Variants in TMTC2 observed in about 807,000 individuals in gnomAD.
TMTC2 encodes protein O-mannosyl-transferase TMTC2.
In TMTC2, 43 loss-of-function variants were observed where a neutral mutation model predicts 82.4. The observed-to-expected ratio is 0.52, with a 90% CI of 0.41 to 0.67. The LOEUF (loss-of-function observed/expected upper bound fraction) is 0.67, where lower values mean the gene tolerates loss of function less well. Ranked by LOEUF, TMTC2 falls within the 30% of genes least tolerant of loss-of-function variation. The pLI is 0.00. For synonymous variants in TMTC2, 408 were observed against 381.9 expected (o/e 1.07, Z -0.80); for missense variants, 919 against 1,012.4 (o/e 0.91, Z 1.25).
chr12:82,692,992 C>G (rs746264356), intron 1 of TMTC2, among the ~76,000 whole-genome samples: 5 of 152,150 alleles, frequency 3.3e-5, no homozygotes, highest in African/African-American at 7.2e-5. Context: ...CAATAATTCA[C>G]AAATTATGAA....
chr12:82,786,527 T>C (rs891666616), intron 1 of TMTC2, among the ~76,000 whole-genome samples: 1 of 152,162 alleles, frequency 6.6e-6, no homozygotes, highest in African/African-American at 2.4e-5. Context: ...CCGGCTGGTA[T>C]TTTTTGATAG....
chr12:82,920,705 G>T (rs1380273778), intron 3 of TMTC2, among the ~76,000 whole-genome samples: 1 of 151,882 alleles, frequency 6.6e-6, no homozygotes, highest in African/African-American at 2.4e-5. Context: ...ATTTTCTAGA[G>T]CTTATCCAGT....
chr12:82,775,497 C>G (rs1474519773), intron 1 of TMTC2, among the ~76,000 whole-genome samples: 1 of 151,836 alleles, frequency 6.6e-6, no homozygotes, highest in Non-Finnish European at 1.5e-5. Flanking sequence ...TTTCCATACT[C>G]AGGAATCAGG....
At chr12:82,912,215 T>A (rs528994351) in intron 3 of TMTC2, among the ~76,000 whole-genome samples, 3 of 152,306 alleles carry the variant, frequency 2.0e-5, no homozygotes, top group Non-Finnish European at 2.9e-5. Context: ...AAGAAGGAAC[T>A]GGGTTAGAAA....
chr12:82,923,266 C>T (rs1159157025), intron 3 of TMTC2, among the ~76,000 whole-genome samples: 1 of 152,098 alleles, frequency 6.6e-6, no homozygotes, highest in African/African-American at 2.4e-5. Flanking sequence ...AGTTTAAATG[C>T]TTGGTATTTA....
intron 3 of TMTC2, among the ~76,000 whole-genome samples, chr12:82,929,086 T>C (rs1169497421): frequency 6.6e-6 from 1 of 152,108 alleles, no homozygotes; most frequent in Non-Finnish European, 1.5e-5. Context: ...TTTTGTTTTA[T>C]TTTTTTGAGA....
At chr12:82,838,581 AT>A (rs1592563420) in intron 1 of TMTC2, among the ~76,000 whole-genome samples, 1 of 152,140 alleles carries the variant, frequency 6.6e-6, no homozygotes, top group Non-Finnish European at 1.5e-5. Flanking sequence ...GGTGTAGTTA[AT>A]TTCTAAAACA....
chr12:82,896,260 A>C lies in TMTC2; in HGVS notation c.1097A>C (p.Lys366Thr), dbSNP rs766528978. Residue 366 changes from lysine to threonine, a missense_variant, in exon 3 of 12, where the codon AAG becomes ACG. Lys to Thr is a moderately conservative substitution (Grantham distance 78, BLOSUM62 -1). Transcript: ENST00000321196. ...SDVEYQNSET[K>T]SSFASKVENG... ...GTGGAGTACCAGAACTCAGAGACTA[A>C]GTCCAGCTTTGCATCCAAAGTAGAA... 1.2e-6 allele frequency: 2 copies of C among 1,614,158 alleles called. No individual in the cohort carries two copies. The highest frequency in any genetic ancestry group is 2.2e-5 in the South Asian group (2 of 91,080).
chr12:83,006,095 T>C (rs1257278824), intron 8 of TMTC2, among the ~76,000 whole-genome samples: 1 of 152,136 alleles, frequency 6.6e-6, no homozygotes, highest in Non-Finnish European at 1.5e-5. Context: ...GCAGCCAGGA[T>C]CCCAGAAGTC....
intron 1 of TMTC2, among the ~76,000 whole-genome samples, chr12:82,764,450 T>G (rs1255580075): frequency 6.6e-6 from 1 of 152,154 alleles, no homozygotes; most frequent in Non-Finnish European, 1.5e-5. Context: ...TACACTTTTT[T>G]TTAATGGAGG....
chr12:83,131,397 TA>T lies in TMTC2; in HGVS notation c.2332-807del, dbSNP rs1185638327. The stretch of plus-strand genomic sequence containing the variant: ...CTGGTGCAACATAACTCATGCCATG[TA>T]AAAAACACTTTTAACCTTTTTTCCA... On this transcript the variant is annotated intron_variant, in intron 11 of 11. Transcript: ENST00000321196. Among the ~76,000 whole-genome samples, 15 of 151,702 alleles carry T rather than the reference TA, an allele frequency of 9.9e-5. 2 individuals are homozygous for T. The highest frequency in any genetic ancestry group is 9.2e-4 in the Admixed American group (14 of 15,288).
intron 1 of TMTC2, among the ~76,000 whole-genome samples, chr12:82,826,587 T>C (rs2137070737): frequency 6.6e-6 from 1 of 152,350 alleles, no homozygotes; most frequent in South Asian, 2.1e-4. Flanking sequence ...GAGCCTCAAT[T>C]ATGTTCATAA....
At chr12:83,016,482 T>A (rs1339640179) in intron 8 of TMTC2, among the ~76,000 whole-genome samples, 18 of 152,220 alleles carry the variant, frequency 1.2e-4, no homozygotes, top group Admixed American at 1.2e-3. Context: ...AGAGTTCTTT[T>A]AAGTATAATC....
intron 1 of TMTC2, among the ~76,000 whole-genome samples, chr12:82,815,456 G>A (rs1200373920): frequency 4.0e-5 from 6 of 151,510 alleles, no homozygotes; most frequent in African/African-American, 7.3e-5. Context: ...GACTACAGGC[G>A]CCCGCCACCA....
chr12:82,832,596 C>T (rs919127521), intron 1 of TMTC2, among the ~76,000 whole-genome samples: 1 of 151,994 alleles, frequency 6.6e-6, no homozygotes, highest in African/African-American at 2.4e-5. Flanking sequence ...AATTTCTTTG[C>T]AAAGCAGTGG....
chr12:82,991,118 A>G (rs562730586), intron 8 of TMTC2, among the ~76,000 whole-genome samples: 35 of 152,314 alleles, frequency 2.3e-4, no homozygotes, highest in East Asian at 7.7e-4. Context: ...CTGAGCTTCA[A>G]AGGTTTGAGG....
chr12:82,986,146 AT>A, intron 8 of TMTC2, 100 bp downstream of exon 8: 1 of 1,512,586 alleles, frequency 6.6e-7, no homozygotes, highest in Non-Finnish European at 9.1e-7. Flanking sequence ...TATCTAAGCT[AT>A]TAGGGATGCA....
intron 1 of TMTC2, among the ~76,000 whole-genome samples, chr12:82,695,064 C>T (rs1313368470): frequency 6.6e-6 from 1 of 152,084 alleles, no homozygotes; most frequent in African/African-American, 2.4e-5. Context: ...GAAGAGTGGC[C>T]ACTGGGACGC....
At chr12:82,975,020 G>C (rs1796160) in intron 7 of TMTC2, among the ~76,000 whole-genome samples, 87 of 152,228 alleles carry the variant, frequency 5.7e-4, no homozygotes, top group African/African-American at 2.0e-3. Flanking sequence ...TTAGGGAAGA[G>C]TATCTATCTA....
Sources: gnomAD v4.1 joint callset for allele counts (sites outside exome capture counted in the v4.1 genomes callset) on GRCh38, gnomAD v4.1.1 for gene constraint, MANE v1.5 for transcripts, NCBI Gene and HGNC (gene_info 2026-07-23, HGNC 2026-07-21) for gene names.